TRIM44: variants seen among roughly 807,000 people sequenced by gnomAD.
TRIM44 encodes the protein tripartite motif-containing protein 44.
TRIM44 carries 13 observed loss-of-function variants against 37.4 expected under a neutral mutation model. The ratio of observed to expected loss-of-function variants is 0.35; its 90% CI spans 0.23 to 0.55. TRIM44 has a LOEUF of 0.55. TRIM44 is among the 20% of genes least tolerant of loss of function. TRIM44 has a pLI of 0.89. For synonymous variants in TRIM44, 175 were observed against 157.2 expected (o/e 1.11, Z -0.85); for missense variants, 426 against 437.2 (o/e 0.97, Z 0.23).
intron 1 of TRIM44, among the ~76,000 whole-genome samples, chr11:35,674,054 C>A (rs140722167): frequency 3.3e-4 from 50 of 152,090 alleles, no homozygotes; most frequent in Admixed American, 1.4e-3. Context: ...TGTTAGGTGG[C>A]AGTAAGGAAC....
chr11:35,688,341 A>G (rs1472152388), intron 2 of TRIM44, among the ~76,000 whole-genome samples: 3 of 152,200 alleles, frequency 2.0e-5, no homozygotes, highest in Non-Finnish European at 4.4e-5. Context: ...TTACCTCTTG[A>G]GTTTTGCTAG....
At chr11:35,686,065 G>C (rs942390203) in intron 2 of TRIM44, among the ~76,000 whole-genome samples, 1 of 152,142 alleles carries the variant, frequency 6.6e-6, no homozygotes, top group Non-Finnish European at 1.5e-5. Context: ...CCAGGAGCCA[G>C]CTGCCACTCA....
intron 2 of TRIM44, among the ~76,000 whole-genome samples, chr11:35,686,461 G>T (rs1851583637): frequency 6.7e-6 from 1 of 150,314 alleles, no homozygotes; most frequent in Admixed American, 6.7e-5. Context: ...TTACATGATT[G>T]TACTAAAATA....
rs540280662 is a variant in TRIM44 at position 35,699,120 on chromosome 11, T to C, written c.747+13784T>C. 7.7e-3 allele frequency among the ~76,000 whole-genome samples: 1,134 copies of C among 147,208 alleles called. 135 individuals carry two copies. The highest frequency in any genetic ancestry group is 0.021 in the Middle Eastern group (6 of 288). The stretch of plus-strand genomic sequence containing the variant: ...AGATTAGCGGCATTATTTCTGAGGG[T>C]TCTGTTCTGTTCCATTGGTCTGTAT... On this transcript the variant is annotated intron_variant, in intron 2 of 4. Coordinates refer to ENST00000299413, the MANE Select transcript of TRIM44 (RefSeq NM_017583.6).
intron 4 of TRIM44, among the ~76,000 whole-genome samples, chr11:35,805,184 G>A (rs890235749): frequency 4.6e-5 from 7 of 152,210 alleles, no homozygotes; most frequent in Non-Finnish European, 7.4e-5. Context: ...TCTGGAAAAC[G>A]GGGGATAATA....
chr11:35,728,501 C>T (rs1229783507), intron 3 of TRIM44, among the ~76,000 whole-genome samples: 3 of 152,302 alleles, frequency 2.0e-5, no homozygotes, highest in South Asian at 2.1e-4. Context: ...GACCAGGCTA[C>T]AGACAAAATG....
intron 4 of TRIM44, among the ~76,000 whole-genome samples, chr11:35,747,242 A>G (rs147228315): frequency 1.3e-3 from 192 of 152,344 alleles, no homozygotes; most frequent in African/African-American, 4.4e-3. Context: ...ATCCAGCAGT[A>G]ATACCTGCCT....
chr11:35,800,909 C>G (rs746986105), intron 4 of TRIM44, among the ~76,000 whole-genome samples: 1 of 152,214 alleles, frequency 6.6e-6, no homozygotes, highest in Non-Finnish European at 1.5e-5. Context: ...TAGAGTCACA[C>G]AGCAGAACCA....
chr11:35,667,291 A>T (rs1432151620), intron 1 of TRIM44, among the ~76,000 whole-genome samples: 7 of 152,182 alleles, frequency 4.6e-5, no homozygotes, highest in Admixed American at 4.6e-4. Context: ...ATTAAAGTTA[A>T]TTTTTAAAAT....
intron 3 of TRIM44, among the ~76,000 whole-genome samples, chr11:35,731,963 A>G (rs11033260): frequency 0.32 from 48,442 of 151,880 alleles, 7,908 homozygotes; most frequent in East Asian, 0.39. Flanking sequence ...CGCCATTTAT[A>G]AGGTCCAATT....
chr11:35,704,135 C>T (rs1027220750), intron 2 of TRIM44, among the ~76,000 whole-genome samples: 6 of 151,798 alleles, frequency 4.0e-5, no homozygotes, highest in South Asian at 2.1e-4. Flanking sequence ...GGAGCCGATG[C>T]GATCAACTGA....
Position 35,815,999 on chromosome 11 carries a change from T to G in TRIM44, c.*9614T>G, listed in dbSNP as rs1374909917. 1 of 152,190 alleles carries G rather than the reference T, an allele frequency of 6.6e-6. No homozygotes were observed. The highest frequency in any genetic ancestry group is 1.5e-5 in the Non-Finnish European group (1 of 68,034). 9.4% of individuals were successfully genotyped at this position (152,190 alleles called of 1,614,324 possible). ...GCTGTCTATCTTCAGACCTGGCCCA[T>G]TGTCAAATGGCAGACTTGCAGAGCA... On this transcript the variant is annotated 3_prime_UTR_variant, in exon 5 of 5. Transcript: ENST00000299413.
At chr11:35,716,531 T>C (rs926654465) in intron 2 of TRIM44, among the ~76,000 whole-genome samples, 18 of 152,146 alleles carry the variant, frequency 1.2e-4, no homozygotes, top group African/African-American at 4.1e-4. Flanking sequence ...GCCAGACTGG[T>C]AAAGGGACAC....
intron 2 of TRIM44, among the ~76,000 whole-genome samples, chr11:35,720,985 C>T (rs538797365): frequency 6.6e-6 from 1 of 151,828 alleles, no homozygotes; most frequent in East Asian, 1.9e-4. Flanking sequence ...CTCACTGCAA[C>T]CTCCGCCTCC....
chr11:35,738,028 C>G (rs1852347022), intron 4 of TRIM44, among the ~76,000 whole-genome samples: 1 of 152,112 alleles, frequency 6.6e-6, no homozygotes, highest in South Asian at 2.1e-4. Context: ...AGGATTAGCT[C>G]TAGCTCCTTA....
chr11:35,738,059 C>T (rs1271068020), intron 4 of TRIM44, among the ~76,000 whole-genome samples: 1 of 152,072 alleles, frequency 6.6e-6, no homozygotes, highest in African/African-American at 2.4e-5. Context: ...CAGTCAGAGC[C>T]CTAGACTTAC....
At chr11:35,789,874 A>C (rs180837945) in intron 4 of TRIM44, among the ~76,000 whole-genome samples, 1 of 151,202 alleles carries the variant, frequency 6.6e-6, no homozygotes, top group African/African-American at 2.5e-5. Context: ...AATCAATCGT[A>C]AATACGATAG....
intron 4 of TRIM44, among the ~76,000 whole-genome samples, chr11:35,794,568 A>G (rs564212481): frequency 1.3e-5 from 2 of 152,348 alleles, no homozygotes; most frequent in South Asian, 4.2e-4. Context: ...TGTAAGAATA[A>G]TCAGTTTATG....
intron 3 of TRIM44, among the ~76,000 whole-genome samples, chr11:35,731,322 G>A (rs942507789): frequency 1.3e-5 from 2 of 152,028 alleles, no homozygotes; most frequent in African/African-American, 4.8e-5. Context: ...TATATCTTCT[G>A]TATCTCTTGA....
Sources: gnomAD v4.1 joint callset for allele counts (sites outside exome capture counted in the v4.1 genomes callset) on GRCh38, gnomAD v4.1.1 for gene constraint, MANE v1.5 for transcripts, NCBI Gene and HGNC (gene_info 2026-07-23, HGNC 2026-07-21) for gene names.